Variants in EPHA3 observed in about 807,000 individuals in gnomAD.
EPHA3 encodes ephrin type-A receptor 3.
In EPHA3, 42 loss-of-function variants were observed where a neutral mutation model predicts 107.1. The observed-to-expected ratio is 0.39, with a 90% CI of 0.31 to 0.51. The LOEUF (loss-of-function observed/expected upper bound fraction) is 0.51. Among genes scored for constraint, EPHA3 ranks in the 20% least tolerant of loss-of-function variants. EPHA3 has a pLI of 0.78. For synonymous variants in EPHA3, 461 were observed against 424.8 expected, an observed-to-expected ratio of 1.09 and a Z score of -1.05; for missense variants, 1,183 against 1,211.2, an observed-to-expected ratio of 0.98 and a Z score of 0.35.
chr3:89,182,388 A>C (rs1705460373), intron 2 of EPHA3, among the ~76,000 whole-genome samples: 1 of 151,896 alleles, frequency 6.6e-6, no homozygotes, highest in African/African-American at 2.4e-5. Flanking sequence ...ACTGAAGTTT[A>C]AATACATCAG....
At chr3:89,381,485 T>C (rs1708506893) in intron 5 of EPHA3, among the ~76,000 whole-genome samples, 1 of 151,438 alleles carries the variant, frequency 6.6e-6, no homozygotes, top group Non-Finnish European at 1.5e-5. Context: ...GCCTGGCCAA[T>C]ATGGCGAAAC....
At chr3:89,387,053 A>G (rs1708636617) in intron 5 of EPHA3, among the ~76,000 whole-genome samples, 1 of 152,146 alleles carries the variant, frequency 6.6e-6, no homozygotes, top group South Asian at 2.1e-4. Flanking sequence ...CTTGTCTCAG[A>G]TGAGACTTTG....
intron 2 of EPHA3, among the ~76,000 whole-genome samples, chr3:89,163,351 CTAAA>C (rs1185449575): frequency 1.3e-5 from 2 of 151,962 alleles, no homozygotes; most frequent in Non-Finnish European, 2.9e-5. Context: ...TAGTTTGATA[CTAAA>C]TACTTTGCTA....
intron 1 of EPHA3, among the ~76,000 whole-genome samples, chr3:89,124,714 T>C (rs1704053491): frequency 6.6e-6 from 1 of 152,034 alleles, no homozygotes; most frequent in African/African-American, 2.4e-5. Flanking sequence ...TTATGGTATT[T>C]GAACATTACA....
At chr3:89,130,318 G>C (rs1704179168) in intron 2 of EPHA3, among the ~76,000 whole-genome samples, 2 of 152,064 alleles carry the variant, frequency 1.3e-5, no homozygotes, top group South Asian at 4.1e-4. Context: ...AGGAGATTTG[G>C]GAGACTGCCA....
intron 1 of EPHA3, among the ~76,000 whole-genome samples, chr3:89,116,068 G>A (rs954344257): frequency 7.2e-5 from 11 of 152,134 alleles, no homozygotes; most frequent in African/African-American, 2.7e-4. Context: ...GTGTGGGGGG[G>A]ACCCACTAAG....
intron 3 of EPHA3, among the ~76,000 whole-genome samples, chr3:89,293,618 G>C (rs1457123806): frequency 1.3e-5 from 2 of 152,154 alleles, no homozygotes; most frequent in South Asian, 4.1e-4. Flanking sequence ...CGTTTCTCAT[G>C]ATAATGAGTG....
intron 3 of EPHA3, among the ~76,000 whole-genome samples, chr3:89,265,078 T>A (rs1188084837): frequency 2.0e-5 from 3 of 152,286 alleles, no homozygotes; most frequent in Middle Eastern, 3.4e-3. Context: ...TGATTAAAAA[T>A]TAAAAATTAT....
intron 5 of EPHA3, among the ~76,000 whole-genome samples, chr3:89,385,275 C>T (rs1576349890): frequency 6.6e-6 from 1 of 152,084 alleles, no homozygotes; most frequent in South Asian, 2.1e-4. Context: ...ATATTAACCT[C>T]TTATATGGTT....
intron 13 of EPHA3, among the ~76,000 whole-genome samples, chr3:89,442,735 G>C (rs1709809419): frequency 6.6e-6 from 1 of 152,110 alleles, no homozygotes; most frequent in African/African-American, 2.4e-5. Flanking sequence ...ACTGCAAGAT[G>C]CATGGGACAA....
At chr3:89,309,414 A>G (rs1576303413) in intron 3 of EPHA3, among the ~76,000 whole-genome samples, 1 of 152,120 alleles carries the variant, frequency 6.6e-6, no homozygotes, top group Admixed American at 6.6e-5. Flanking sequence ...GAGAGACATC[A>G]CCTTTTATGG....
At chr3:89,140,932 C>CTA (rs1704418167) in intron 2 of EPHA3, among the ~76,000 whole-genome samples, 1 of 151,600 alleles carries the variant, frequency 6.6e-6, no homozygotes, top group African/African-American at 2.4e-5. Flanking sequence ...CTCTAAAGGG[C>CTA]TATATACTAT....
chr3:89,391,173 G>A (rs370360953), intron 5 of EPHA3, among the ~76,000 whole-genome samples: 1 of 151,868 alleles, frequency 6.6e-6, no homozygotes. Flanking sequence ...TGTCATGATC[G>A]AAGAAACATT....
chr3:89,107,677 G>C lies in EPHA3; in HGVS notation c.-72G>C. The C allele has an allele frequency of 2.9e-6, 4 of 1,390,064 alleles. No homozygotes were observed. The highest frequency in any genetic ancestry group is 4.1e-6 in the Non-Finnish European group (4 of 982,228). 86.1% of individuals were successfully genotyped at this position (1,390,064 alleles called of 1,614,324 possible). ...AGCATGGTAACTTCTCCAGCAATCA[G>C]AGCGCTCCCCCTCACATCAGTGGCA... On this transcript the variant is annotated 5_prime_UTR_variant, in exon 1 of 17. Transcript: ENST00000336596.
Position 89,152,075 on chromosome 3 carries a change from G to T in EPHA3, c.153+24802G>T, listed in dbSNP as rs548653396. Among the ~76,000 whole-genome samples, 19 of 152,096 alleles carry T rather than the reference G, an allele frequency of 1.2e-4. No individual in the cohort carries two copies. The South Asian group carries it at 3.5e-3, about 28-fold the overall frequency. On this transcript the variant is annotated intron_variant, in intron 2 of 16. Transcript: ENST00000336596. ...CTGCCTTACCTTGAGATTATTCAGT[G>T]CATATGTTTATGTTATCTCAAATAT...
intron 2 of EPHA3, among the ~76,000 whole-genome samples, chr3:89,200,397 G>GA (rs1705942568): frequency 6.6e-6 from 1 of 152,112 alleles, no homozygotes; most frequent in African/African-American, 2.4e-5. Flanking sequence ...GCATTCATAA[G>GA]AAAAAAGAGC....
chr3:89,178,385 G>A (rs1705363686), intron 2 of EPHA3, among the ~76,000 whole-genome samples: 1 of 152,148 alleles, frequency 6.6e-6, no homozygotes, highest in Non-Finnish European at 1.5e-5. Flanking sequence ...AATGCTGTTA[G>A]CATACGTATA....
At chr3:89,417,701 A>G (rs771292191) in intron 10 of EPHA3, among the ~76,000 whole-genome samples, 6 of 151,382 alleles carry the variant, frequency 4.0e-5, no homozygotes, top group Non-Finnish European at 7.4e-5. Context: ...AAGGAACACT[A>G]TAGCTGTAGA....
At chr3:89,397,753 T>G (rs1022162248) in intron 6 of EPHA3, among the ~76,000 whole-genome samples, 4 of 152,178 alleles carry the variant, frequency 2.6e-5, no homozygotes, top group Non-Finnish European at 5.9e-5. Context: ...CCAACTAATT[T>G]TGTATTTTTA....
Sources: gnomAD v4.1 joint callset for allele counts (sites outside exome capture counted in the v4.1 genomes callset) on GRCh38, gnomAD v4.1.1 for gene constraint, MANE v1.5 for transcripts, NCBI Gene and HGNC (gene_info 2026-07-23, HGNC 2026-07-21) for gene names.